RBMS3: variants seen among roughly 807,000 people sequenced by gnomAD.
RBMS3 encodes the protein RNA-binding motif, single-stranded-interacting protein 3.
Under a neutral mutation model 66.8 loss-of-function variants are expected in RBMS3, and 27 were observed. That is an observed-to-expected ratio of 0.40 (90% CI 0.30 to 0.56). RBMS3 has a LOEUF of 0.56. Ranked by LOEUF, RBMS3 falls within the 20% of genes least tolerant of loss-of-function variation. The pLI, the probability that RBMS3 is intolerant of heterozygous loss-of-function variation, is 0.40. For missense variants in RBMS3, 513 were observed against 549.5 expected (o/e 0.93, Z 0.66); for synonymous variants, 188 against 183.0 (o/e 1.03, Z -0.22).
intron 3 of RBMS3, among the ~76,000 whole-genome samples, chr3:29,492,495 G>C (rs1263913979): frequency 6.6e-6 from 1 of 152,188 alleles, no homozygotes; most frequent in Non-Finnish European, 1.5e-5. Flanking sequence ...AAATGAAACA[G>C]GAGTTGTATT....
chr3:29,321,797 C>T (rs2035022824), intron 1 of RBMS3, among the ~76,000 whole-genome samples: 1 of 152,192 alleles, frequency 6.6e-6, no homozygotes, highest in South Asian at 2.1e-4. Context: ...TGGAGATATT[C>T]AGCTGAGGGC....
chr3:29,800,151 C>A (rs984683598), intron 6 of RBMS3, among the ~76,000 whole-genome samples: 2 of 152,066 alleles, frequency 1.3e-5, no homozygotes, highest in Non-Finnish European at 2.9e-5. Context: ...GAAAAATATT[C>A]AGTTTTATTC....
chr3:29,570,478 A>G (rs367557156), intron 3 of RBMS3, among the ~76,000 whole-genome samples: 1 of 152,076 alleles, frequency 6.6e-6, no homozygotes, highest in African/African-American at 2.4e-5. Context: ...ATCCCCTGCT[A>G]CAGTTCCCAG....
At chr3:29,830,167 T>A (rs2058334024) in intron 6 of RBMS3, among the ~76,000 whole-genome samples, 1 of 152,118 alleles carries the variant, frequency 6.6e-6, no homozygotes, top group African/African-American at 2.4e-5. Context: ...ACTTGTGACT[T>A]CTGCCTTGAG....
At chr3:29,569,002 G>A (rs2046841313) in intron 3 of RBMS3, among the ~76,000 whole-genome samples, 1 of 152,066 alleles carries the variant, frequency 6.6e-6, no homozygotes, top group East Asian at 1.9e-4. Context: ...AAAATGTACA[G>A]CCTGATTCAG....
intron 8 of RBMS3, among the ~76,000 whole-genome samples, chr3:29,896,404 AAATC>A (rs2060124253): frequency 6.6e-6 from 1 of 151,480 alleles, no homozygotes; most frequent in South Asian, 2.1e-4. Context: ...GTTTTGCTAA[AAATC>A]CAATAAAGCA....
chr3:29,757,167 C>T (rs1230266624), intron 5 of RBMS3, among the ~76,000 whole-genome samples: 6 of 152,152 alleles, frequency 3.9e-5, no homozygotes, highest in African/African-American at 1.4e-4. Context: ...TTAGCATAAA[C>T]TCAGATGTGG....
rs148871873 is a variant in RBMS3 at position 29,409,714 on chromosome 3, T to C, written c.76-25029T>C. Reference sequence around the variant, plus strand: ...AATCTATGGCTAAACTCAGAGCTAATGTGAGAGTATACTGGACTGGGGTAT... The same window carrying C: ...AATCTATGGCTAAACTCAGAGCTAACGTGAGAGTATACTGGACTGGGGTAT... On this transcript the variant is annotated intron_variant, in intron 1 of 14. Coordinates refer to ENST00000383767, the MANE Select transcript of RBMS3 (RefSeq NM_001003793.3). 2.8e-3 allele frequency among the ~76,000 whole-genome samples: 419 copies of C among 152,296 alleles called. 9 individuals are homozygous for C. Among genetic ancestry groups the C allele is most frequent in the Non-Finnish European group, 7.5e-4 (51 of 68,024 alleles).
intron 12 of RBMS3, among the ~76,000 whole-genome samples, chr3:29,966,616 G>A (rs1696864279): frequency 6.6e-6 from 1 of 152,076 alleles, no homozygotes; most frequent in Non-Finnish European, 1.5e-5. Flanking sequence ...GGTTTTCAAG[G>A]TAAATAATCA....
chr3:29,653,420 G>A (rs2050210663), intron 4 of RBMS3, among the ~76,000 whole-genome samples: 3 of 152,018 alleles, frequency 2.0e-5, no homozygotes, highest in Admixed American at 6.6e-5. Flanking sequence ...GATGCATAAC[G>A]CTGTTTAAAG....
At chr3:29,553,349 G>T (rs561031203) in intron 3 of RBMS3, among the ~76,000 whole-genome samples, 1 of 152,230 alleles carries the variant, frequency 6.6e-6, no homozygotes, top group African/African-American at 2.4e-5. Flanking sequence ...GAGAGTGAAA[G>T]AATCAGGAAC....
chr3:29,290,237 A>G (rs1575476139), intron 1 of RBMS3, among the ~76,000 whole-genome samples: 2 of 151,874 alleles, frequency 1.3e-5, no homozygotes, highest in African/African-American at 4.8e-5. Flanking sequence ...ATTCAAGCAA[A>G]TATATTTTTT....
intron 4 of RBMS3, among the ~76,000 whole-genome samples, chr3:29,639,306 C>G (rs778834245): frequency 7.2e-5 from 11 of 151,808 alleles, no homozygotes; most frequent in Non-Finnish European, 1.5e-4. Context: ...AATTTGGAAA[C>G]ACTTTTTGCA....
chr3:29,558,367 T>C (rs2046430179), intron 3 of RBMS3, among the ~76,000 whole-genome samples: 1 of 152,096 alleles, frequency 6.6e-6, no homozygotes, highest in African/African-American at 2.4e-5. Flanking sequence ...GCAATGCAGA[T>C]TACAGGGGCT....
intron 5 of RBMS3, among the ~76,000 whole-genome samples, chr3:29,757,318 T>G (rs1338600444): frequency 6.6e-6 from 1 of 152,212 alleles, no homozygotes; most frequent in African/African-American, 2.4e-5. Context: ...GCAGAAAGCA[T>G]GGGTTAAACT....
intron 3 of RBMS3, among the ~76,000 whole-genome samples, chr3:29,578,817 C>T (rs546306829): frequency 4.5e-5 from 3 of 66,042 alleles, no homozygotes; most frequent in East Asian, 7.5e-4. Flanking sequence ...TTTTTTGAGA[C>T]GGAGTCTCGC....
intron 6 of RBMS3, among the ~76,000 whole-genome samples, chr3:29,814,633 C>T (rs1294627364): frequency 6.6e-6 from 1 of 152,164 alleles, no homozygotes; most frequent in Non-Finnish European, 1.5e-5. Context: ...GGTTGGTAAG[C>T]TACTGATTAT....
At chr3:29,336,597 C>T (rs2035968328) in intron 1 of RBMS3, among the ~76,000 whole-genome samples, 1 of 152,034 alleles carries the variant, frequency 6.6e-6, no homozygotes, top group African/African-American at 2.4e-5. Context: ...GTATCACTTC[C>T]TATAATTTAT....
At position 29,988,193 on chromosome 3, in the gene RBMS3, G is replaced by A. The variant is rs765572117; in HGVS notation, c.1149G>A (p.Thr383=). 14 of 1,612,730 alleles carry A rather than the reference G, an allele frequency of 8.7e-6. No homozygotes were observed. The highest frequency in any genetic ancestry group is 8.3e-5 in the Admixed American group (5 of 59,978). The change falls in exon 13 of 15, where the codon ACG becomes ACA. Residue 383 remains threonine (T), a synonymous_variant. Transcript: ENST00000383767. ...PMQGTYIPQY[T]PVPPTAVSIE... is the part of the protein sequence containing the mutation. ...AAGGGACCTACATTCCTCAGTACAC[G>A]CCTGTGCCTCCGACAGCTGTTTCTA...
Sources: allele counts gnomAD v4.1 joint callset (sites outside exome capture counted in the v4.1 genomes callset), GRCh38; gene constraint gnomAD v4.1.1; transcripts MANE v1.5; gene names NCBI Gene and HGNC (gene_info 2026-07-23, HGNC 2026-07-21).